CGGBP1: variants seen among roughly 807,000 people sequenced by gnomAD.
CGGBP1 encodes CGG triplet repeat-binding protein 1.
CGGBP1 carries 4 observed loss-of-function variants against 11.4 expected under a neutral mutation model. The observed-to-expected ratio is 0.35, with a 90% CI of 0.17 to 0.80. The LOEUF (loss-of-function observed/expected upper bound fraction) is 0.80. Among genes scored for constraint, CGGBP1 ranks in the 30% least tolerant of loss-of-function variants. CGGBP1 has a pLI of 0.52. For missense variants in CGGBP1, 135 were observed against 202.1 expected (o/e 0.67, Z 2.01); for synonymous variants, 76 against 74.1 (o/e 1.03, Z -0.13).
chr3:88,070,219 T>G (rs1194521902), intron 2 of CGGBP1, among the ~76,000 whole-genome samples: 5 of 152,194 alleles, frequency 3.3e-5, no homozygotes, highest in Non-Finnish European at 7.4e-5. Flanking sequence ...ATTATAAATT[T>G]GGACACAATA....
intron 2 of CGGBP1, among the ~76,000 whole-genome samples, chr3:88,072,322 T>C (rs925236710): frequency 6.6e-6 from 1 of 152,214 alleles, no homozygotes; most frequent in Non-Finnish European, 1.5e-5. Context: ...CAGCAGTCAA[T>C]GTGATCCTTT....
intron 2 of CGGBP1, among the ~76,000 whole-genome samples, chr3:88,083,821 A>G (rs542056742): frequency 2.0e-4 from 30 of 152,252 alleles, no homozygotes; most frequent in Non-Finnish European, 4.3e-4. Flanking sequence ...AAAAAGTGAA[A>G]GATGTGGTGC....
At chr3:88,140,021 G>T (rs1243827472) in intron 2 of CGGBP1, 1 of 1,613,718 alleles carries the variant, frequency 6.2e-7, no homozygotes, top group South Asian at 1.1e-5. Flanking sequence ...TAATGAAGTG[G>T]AGCAAAGGAA....
chr3:88,062,893 G>A (rs1172285109), upstream of CGGBP1, among the ~76,000 whole-genome samples: 3 of 152,132 alleles, frequency 2.0e-5, no homozygotes, highest in Non-Finnish European at 4.4e-5. Flanking sequence ...ATCCTCTGAG[G>A]ATTTATGAGG....
chr3:88,134,849 T>C (rs1706677521), intron 2 of CGGBP1, among the ~76,000 whole-genome samples: 1 of 152,082 alleles, frequency 6.6e-6, no homozygotes, highest in Non-Finnish European at 1.5e-5. Flanking sequence ...ATTCATTCCT[T>C]ACTACTGTAT....
At chr3:88,147,012 G>A (rs1707325160) in intron 1 of CGGBP1, among the ~76,000 whole-genome samples, 1 of 152,100 alleles carries the variant, frequency 6.6e-6, no homozygotes, top group Non-Finnish European at 1.5e-5. Flanking sequence ...CACCAGCAAC[G>A]AAAGTAATCC....
chr3:88,135,821 G>C (rs540725985), intron 2 of CGGBP1, among the ~76,000 whole-genome samples: 1 of 151,860 alleles, frequency 6.6e-6, no homozygotes, highest in Non-Finnish European at 1.5e-5. Flanking sequence ...ATAAGACTTC[G>C]AGTATAAAGA....
At chr3:88,086,507 C>A in intron 2 of CGGBP1, 1 of 996,030 alleles carries the variant, frequency 1.0e-6, no homozygotes, top group Non-Finnish European at 1.4e-6. Flanking sequence ...AAAGTATTCC[C>A]TCAAAAAGAA....
At chr3:88,083,484 TTTG>T (rs146182732) in intron 2 of CGGBP1, among the ~76,000 whole-genome samples, 2,011 of 152,288 alleles carry the variant, frequency 0.013, 37 homozygotes, top group African/African-American at 0.045. Context: ...TGGCATCAGC[TTTG>T]TCCTCTTCAA....
At chr3:88,112,010 C>G (rs1433926258) in intron 2 of CGGBP1, among the ~76,000 whole-genome samples, 2 of 151,870 alleles carry the variant, frequency 1.3e-5, no homozygotes, top group Non-Finnish European at 2.9e-5. Flanking sequence ...TTTAACCTAA[C>G]TTCTAGAAGC....
chr3:88,077,649 C>T (rs7633121), intron 2 of CGGBP1, among the ~76,000 whole-genome samples: 119,166 of 152,086 alleles, frequency 0.78, 47,606 homozygotes, highest in South Asian at 0.91. Flanking sequence ...GAAACCTTTT[C>T]AAAATAACAC....
intron 2 of CGGBP1, among the ~76,000 whole-genome samples, chr3:88,087,421 A>G (rs529049691): frequency 2.0e-4 from 31 of 152,216 alleles, no homozygotes; most frequent in Non-Finnish European, 2.6e-4. Flanking sequence ...TTCAAATTAA[A>G]GATTAAAAAC....
At chr3:88,076,954 T>C (rs1281995626) in intron 2 of CGGBP1, among the ~76,000 whole-genome samples, 2 of 152,302 alleles carry the variant, frequency 1.3e-5, no homozygotes, top group East Asian at 3.9e-4. Flanking sequence ...ACCAGACCAA[T>C]ACATTAACCT....
chr3:88,147,942 C>G (rs1036639331), intron 1 of CGGBP1, among the ~76,000 whole-genome samples: 2 of 152,196 alleles, frequency 1.3e-5, no homozygotes, highest in African/African-American at 4.8e-5. Flanking sequence ...AAAATGTCAA[C>G]AGTTCTATGA....
At chr3:88,069,354 G>A (rs1224508501) in intron 2 of CGGBP1, among the ~76,000 whole-genome samples, 4 of 152,124 alleles carry the variant, frequency 2.6e-5, no homozygotes, top group African/African-American at 9.7e-5. Flanking sequence ...CTCTGGAGGC[G>A]GAGGTTGCAG....
chr3:88,140,431 C>G, intron 2 of CGGBP1: 1 of 1,613,470 alleles, frequency 6.2e-7, no homozygotes, highest in Non-Finnish European at 8.5e-7. Context: ...AGGAAAGAGT[C>G]TACAGAACCA....
intron 2 of CGGBP1, chr3:88,140,669 C>G (rs370947934): frequency 1.1e-4 from 178 of 1,613,544 alleles, no homozygotes; most frequent in Non-Finnish European, 1.5e-4. Flanking sequence ...TTGATACAAA[C>G]AGAATCAGGA....
At chr3:88,141,218 C>G in intron 1 of CGGBP1, 1 of 753,972 alleles carries the variant, frequency 1.3e-6, no homozygotes, top group Non-Finnish European at 2.0e-6. Context: ...TGAGGTGATA[C>G]TAATATTCCT....
intron 2 of CGGBP1, among the ~76,000 whole-genome samples, chr3:88,093,793 C>G (rs539637121): frequency 3.3e-5 from 5 of 152,262 alleles, no homozygotes; most frequent in African/African-American, 1.2e-4. Context: ...AGGCTTTCAA[C>G]TAATTTAGGA....
Sources: allele counts gnomAD v4.1 joint callset (sites outside exome capture counted in the v4.1 genomes callset), GRCh38; gene constraint gnomAD v4.1.1; transcripts MANE v1.5; gene names NCBI Gene and HGNC (gene_info 2026-07-23, HGNC 2026-07-21).